The following FGF14 variants were observed in gnomAD, a reference collection of about 807,000 sequenced individuals.
FGF14 encodes fibroblast growth factor homologous factor 4.
FGF14 carries 5 observed loss-of-function variants against 25.5 expected under a neutral mutation model. The ratio of observed to expected loss-of-function variants is 0.20; its 90% CI spans 0.10 to 0.41. The LOEUF (loss-of-function observed/expected upper bound fraction) is 0.41, where lower values mean the gene tolerates loss of function less well. Ranked by LOEUF, FGF14 falls within the 10% of genes least tolerant of loss-of-function variation. FGF14 has a pLI of 1.00. For missense variants in FGF14, 222 were observed against 320.1 expected (o/e 0.69, Z 2.34); for synonymous variants, 138 against 118.3 (o/e 1.17, Z -1.08).
At chr13:102,134,614 A>G (rs1018820038) in intron 1 of FGF14, among the ~76,000 whole-genome samples, 1 of 152,170 alleles carries the variant, frequency 6.6e-6, no homozygotes, top group African/African-American at 2.4e-5. Context: ...ACTGACAAAG[A>G]GCTTTCCTCT....
intron 1 of FGF14, among the ~76,000 whole-genome samples, chr13:101,933,312 C>T (rs542594708): frequency 1.4e-4 from 22 of 152,256 alleles, no homozygotes; most frequent in Admixed American, 2.6e-4. Flanking sequence ...GTTAGAGGTT[C>T]TTCCATTATT....
At chr13:102,367,892 C>T (rs74112332) in intron 1 of FGF14, 3,556 of 152,316 alleles carry the variant, frequency 0.023, 150 homozygotes, top group African/African-American at 0.08. Context: ...GACTAGACCC[C>T]GGACGATGGA....
rs1317542958 is a variant in FGF14 at position 102,161,634 on chromosome 13, G to C, written c.208+239837C>G. Among the ~76,000 whole-genome samples, 35 of 7,676 alleles carry C rather than the reference G, an allele frequency of 4.6e-3. 1 individual carries two copies. The highest frequency in any genetic ancestry group is 5.9e-3 in the Non-Finnish European group (24 of 4,066). 5.0% of individuals were successfully genotyped at this position (7,676 alleles called of 152,430 possible). On this transcript the variant is annotated intron_variant, in intron 1 of 4. Transcript: ENST00000376131. Reference sequence around the variant, plus strand: ...AGAAGAAGAAGAAGAAGAAGAAGAAGAAGAAGAAGAAGAAGAAGAAGAAGA... The same window carrying C: ...AGAAGAAGAAGAAGAAGAAGAAGAACAAGAAGAAGAAGAAGAAGAAGAAGA...
intron 1 of FGF14, among the ~76,000 whole-genome samples, chr13:101,938,146 G>A (rs898195080): frequency 3.3e-5 from 5 of 152,176 alleles, no homozygotes; most frequent in African/African-American, 1.2e-4. Context: ...ATCAGTGGGG[G>A]TCGGAATGGT....
intron 1 of FGF14, among the ~76,000 whole-genome samples, chr13:102,179,028 A>C (rs1209107509): frequency 6.6e-6 from 1 of 152,108 alleles, no homozygotes; most frequent in Admixed American, 6.6e-5. Context: ...AAGAGAAATG[A>C]AGGAATGAAA....
intron 2 of FGF14, among the ~76,000 whole-genome samples, chr13:101,869,323 G>T (rs2140450819): frequency 6.6e-6 from 1 of 152,286 alleles, no homozygotes; most frequent in South Asian, 2.1e-4. Flanking sequence ...AGCGAAGCCA[G>T]GAAAAGATGT....
intron 1 of FGF14, among the ~76,000 whole-genome samples, chr13:101,995,571 A>C (rs1045799782): frequency 1.3e-5 from 2 of 152,202 alleles, no homozygotes; most frequent in Non-Finnish European, 2.9e-5. Context: ...AAAAATGATT[A>C]AAACTCATTT....
Position 101,960,607 on chromosome 13 carries a change from GT to G in FGF14, c.209-85312del, listed in dbSNP as rs200708093. Among the ~76,000 whole-genome samples the G allele has an allele frequency of 8.0e-4, 122 of 152,232 alleles. 4 individuals are homozygous for G. In the East Asian group the frequency reaches 0.021, roughly 27 times the overall value. ...TAGTCCATCACTGATGGGCATTTAG[GT>G]TGATTCCATGCCTTTGCTATTGTGA... On this transcript the variant is annotated intron_variant, in intron 1 of 4. Coordinates refer to the FGF14 transcript ENST00000376131.
At chr13:102,030,638 C>T (rs1490389665) in intron 1 of FGF14, among the ~76,000 whole-genome samples, 1 of 151,976 alleles carries the variant, frequency 6.6e-6, no homozygotes, top group Non-Finnish European at 1.5e-5. Flanking sequence ...CAAGAAGAGT[C>T]CAGGCGTACG....
chr13:102,389,949 A>T (rs1384946195), intron 1 of FGF14, among the ~76,000 whole-genome samples: 1 of 152,096 alleles, frequency 6.6e-6, no homozygotes, highest in Non-Finnish European at 1.5e-5. Context: ...AAACTGTGAG[A>T]CCCTTGGTAG....
At chr13:101,848,308 A>T (rs966621142) in intron 3 of FGF14, among the ~76,000 whole-genome samples, 1 of 152,074 alleles carries the variant, frequency 6.6e-6, no homozygotes, top group Non-Finnish European at 1.5e-5. Context: ...AATAAAAAAA[A>T]TTAGAACATA....
At chr13:102,337,806 C>T (rs553130182) in intron 1 of FGF14, among the ~76,000 whole-genome samples, 6 of 152,064 alleles carry the variant, frequency 3.9e-5, no homozygotes, top group South Asian at 2.1e-4. Flanking sequence ...AAAAAGATTA[C>T]GGCTCATGGT....
intron 1 of FGF14, among the ~76,000 whole-genome samples, chr13:102,231,403 TGGCTACAAGAATA>T (rs1341711642): frequency 2.0e-5 from 3 of 152,178 alleles, no homozygotes; most frequent in Non-Finnish European, 2.9e-5. Flanking sequence ...GGAGGTGAGT[TGGCTACAAGAATA>T]GGCTAGAAAT....
intron 3 of FGF14, among the ~76,000 whole-genome samples, chr13:101,846,655 GA>G (rs1167442553): frequency 6.6e-6 from 1 of 152,080 alleles, no homozygotes; most frequent in Non-Finnish European, 1.5e-5. Context: ...CTGATGGGAT[GA>G]CTACATGATA....
chr13:102,111,197 A>G (rs1054603270), intron 1 of FGF14, among the ~76,000 whole-genome samples: 5 of 152,146 alleles, frequency 3.3e-5, no homozygotes, highest in Admixed American at 3.3e-4. Flanking sequence ...TCATCTATAC[A>G]TGAAACGGAA....
chr13:102,132,576 A>G (rs553226918), intron 1 of FGF14, among the ~76,000 whole-genome samples: 2 of 150,340 alleles, frequency 1.3e-5, no homozygotes, highest in East Asian at 3.9e-4. Flanking sequence ...ATCTCAGCTC[A>G]CTGCAACCTC....
chr13:102,081,673 T>C (rs369634096), intron 1 of FGF14, among the ~76,000 whole-genome samples: 3 of 152,330 alleles, frequency 2.0e-5, no homozygotes, highest in African/African-American at 7.2e-5. Flanking sequence ...ATTAGTTATA[T>C]AATTATCTTA....
chr13:101,796,737 C>T (rs1018936504), intron 3 of FGF14, among the ~76,000 whole-genome samples: 3 of 151,996 alleles, frequency 2.0e-5, no homozygotes, highest in Admixed American at 2.0e-4. Flanking sequence ...AGAAACAATC[C>T]TGCCGGCACC....
At chr13:102,297,740 C>A (rs947210713) in intron 1 of FGF14, among the ~76,000 whole-genome samples, 6 of 150,334 alleles carry the variant, frequency 4.0e-5, no homozygotes, top group Non-Finnish European at 7.4e-5. Flanking sequence ...AAAAAACAAT[C>A]AAAAAATTAG....
Sources: allele counts gnomAD v4.1 joint callset (sites outside exome capture counted in the v4.1 genomes callset), GRCh38; gene constraint gnomAD v4.1.1; transcripts MANE v1.5; gene names NCBI Gene and HGNC (gene_info 2026-07-23, HGNC 2026-07-21).